GPC6: variants seen among roughly 807,000 people sequenced by gnomAD.
GPC6 encodes glypican 6.
In GPC6, 14 loss-of-function variants were observed where a neutral mutation model predicts 55.2. The observed-to-expected ratio is 0.25, with a 90% CI of 0.17 to 0.40. The LOEUF (loss-of-function observed/expected upper bound fraction) is 0.40. GPC6 is among the 10% of genes least tolerant of loss of function. The pLI is 1.00. For missense variants in GPC6, 641 were observed against 708.5 expected (o/e 0.90, Z 1.08); for synonymous variants, 278 against 259.6 (o/e 1.07, Z -0.68).
chr13:93,723,503 A>G (rs1029491219), intron 2 of GPC6, among the ~76,000 whole-genome samples: 1 of 152,012 alleles, frequency 6.6e-6, no homozygotes, highest in Non-Finnish European at 1.5e-5. Context: ...AAGCCTTCAG[A>G]TAACTGCAGC....
chr13:93,661,252 C>G (rs900084217), intron 2 of GPC6, among the ~76,000 whole-genome samples: 4 of 151,960 alleles, frequency 2.6e-5, no homozygotes, highest in Admixed American at 2.6e-4. Flanking sequence ...CTCACTCTGT[C>G]ACCCAGGCTG....
chr13:94,350,971 A>G (rs1878509767), intron 6 of GPC6, among the ~76,000 whole-genome samples: 1 of 152,200 alleles, frequency 6.6e-6, no homozygotes, highest in Non-Finnish European at 1.5e-5. Flanking sequence ...GCCAGGGATG[A>G]CGCTGCCCTG....
chr13:93,219,094 T>G, the GPC6 span, among the ~76,000 whole-genome samples: 1 of 151,138 alleles, frequency 6.6e-6, no homozygotes, highest in African/African-American at 2.4e-5. Context: ...TTTCCTATTT[T>G]TTTTTTTTTT....
At chr13:93,414,085 A>G (rs1347652851) in intron 1 of GPC6, among the ~76,000 whole-genome samples, 2 of 152,180 alleles carry the variant, frequency 1.3e-5, no homozygotes, top group Non-Finnish European at 2.9e-5. Flanking sequence ...ATATTTGCCT[A>G]TGCTAATTAT....
intron 3 of GPC6, among the ~76,000 whole-genome samples, chr13:93,901,898 TAA>T (rs55752330): frequency 0.013 from 1,535 of 119,230 alleles, 19 homozygotes; most frequent in African/African-American, 0.039. Context: ...GAGATTCCAT[TAA>T]AAAAAAAAAA....
At chr13:93,860,346 C>T (rs910292569) in intron 3 of GPC6, among the ~76,000 whole-genome samples, 3 of 151,626 alleles carry the variant, frequency 2.0e-5, no homozygotes, top group African/African-American at 4.8e-5. Flanking sequence ...TAAATACTTT[C>T]ATGCATTTTT....
intron 3 of GPC6, among the ~76,000 whole-genome samples, chr13:93,952,251 A>T (rs1417117771): frequency 6.6e-6 from 1 of 152,150 alleles, no homozygotes; most frequent in East Asian, 1.9e-4. Flanking sequence ...TTAAATCTAA[A>T]ACTAGGCTTT....
intron 3 of GPC6, among the ~76,000 whole-genome samples, chr13:93,950,415 AT>A (rs367731727): frequency 2.0e-4 from 31 of 152,122 alleles, no homozygotes; most frequent in South Asian, 1.9e-3. Context: ...GGAATATGCT[AT>A]TTTTTTTCCA....
At chr13:93,525,969 T>C (rs1041658696) in intron 1 of GPC6, among the ~76,000 whole-genome samples, 1 of 152,098 alleles carries the variant, frequency 6.6e-6, no homozygotes, top group African/African-American at 2.4e-5. Flanking sequence ...CATTGTAGGA[T>C]CCTAGAGTTT....
chr13:93,319,011 G>T (rs923112535), intron 1 of GPC6, among the ~76,000 whole-genome samples: 1 of 152,084 alleles, frequency 6.6e-6, no homozygotes, highest in Non-Finnish European at 1.5e-5. Context: ...ACAGCTGGGG[G>T]TGGAGTCAGT....
chr13:93,264,276 C>A (rs1167574433), intron 1 of GPC6, among the ~76,000 whole-genome samples: 1 of 152,112 alleles, frequency 6.6e-6, no homozygotes, highest in African/African-American at 2.4e-5. Context: ...TACAGATATC[C>A]CTCGGTATCC....
At chr13:93,425,847 AG>A (rs1555299127) in intron 1 of GPC6, among the ~76,000 whole-genome samples, 1 of 152,180 alleles carries the variant, frequency 6.6e-6, no homozygotes, top group Non-Finnish European at 1.5e-5. Flanking sequence ...TCGCAAATAC[AG>A]ACAGCTCTGG....
chr13:93,737,042 T>G (rs1884029381), intron 2 of GPC6, among the ~76,000 whole-genome samples: 1 of 152,218 alleles, frequency 6.6e-6, no homozygotes, highest in Admixed American at 6.5e-5. Context: ...AGGCATTCTG[T>G]GTCCACCTTA....
intron 4 of GPC6, among the ~76,000 whole-genome samples, chr13:94,182,562 T>C (rs966544999): frequency 2.6e-5 from 4 of 152,166 alleles, no homozygotes; most frequent in African/African-American, 4.8e-5. Context: ...TTTCTCACAA[T>C]TGGGAGTAGT....
intron 2 of GPC6, among the ~76,000 whole-genome samples, chr13:93,619,553 A>G (rs1035483450): frequency 6.6e-6 from 1 of 152,200 alleles, no homozygotes; most frequent in East Asian, 1.9e-4. Context: ...CTGGACTCAA[A>G]TGATCCTCTT....
chr13:93,570,234 T>A (rs1245641898), intron 2 of GPC6, among the ~76,000 whole-genome samples: 1 of 152,190 alleles, frequency 6.6e-6, no homozygotes, highest in Non-Finnish European at 1.5e-5. Flanking sequence ...AGCATAAATG[T>A]CTATACTTCT....
chr13:93,381,338 G>A (rs1169329854), intron 1 of GPC6, among the ~76,000 whole-genome samples: 2 of 152,038 alleles, frequency 1.3e-5, no homozygotes, highest in African/African-American at 4.8e-5. Flanking sequence ...ATAATTTAGG[G>A]TGGAGTTGTT....
intron 1 of GPC6, among the ~76,000 whole-genome samples, chr13:93,414,810 C>T (rs1876636846): frequency 6.6e-6 from 1 of 152,072 alleles, no homozygotes; most frequent in Non-Finnish European, 1.5e-5. Flanking sequence ...GCTCTTTTCC[C>T]CTCCCTCTTA....
chr13:94,061,494 C>A (rs191800686), intron 4 of GPC6, among the ~76,000 whole-genome samples: 60 of 152,028 alleles, frequency 3.9e-4, no homozygotes, highest in African/African-American at 1.3e-3. Flanking sequence ...ACTGCTCCTG[C>A]CCAAGGAGCA....
Sources: allele counts gnomAD v4.1 joint callset (sites outside exome capture counted in the v4.1 genomes callset), GRCh38; gene constraint gnomAD v4.1.1; transcripts MANE v1.5; gene names NCBI Gene and HGNC (gene_info 2026-07-23, HGNC 2026-07-21).